The following TP53INP2 variants were observed in gnomAD, a reference collection of about 807,000 sequenced individuals.
The protein encoded by TP53INP2 is tumor protein p53 inducible nuclear protein 2, also known as tumor protein p53-inducible nuclear protein 2.
Under a neutral mutation model 17.1 loss-of-function variants are expected in TP53INP2, and 12 were observed. The observed-to-expected ratio is 0.70, with a 90% CI of 0.45 to 1.14. The LOEUF (loss-of-function observed/expected upper bound fraction) is 1.14. TP53INP2 is among the 50% of genes most tolerant of loss of function. The probability of loss-of-function intolerance (pLI) is 0.00; values close to 1 mark genes in which losing one functional copy is unlikely to be tolerated. For synonymous variants in TP53INP2, 145 were observed against 147.3 expected (o/e 0.98, Z 0.12); for missense variants, 342 against 330.9 (o/e 1.03, Z -0.26).
Position 34,710,288 on chromosome 20 carries a change from A to G in TP53INP2, c.644A>G (p.Gln215Arg), listed in dbSNP as rs747551918. The change falls in exon 5 of 5, where the codon CAG becomes CGG. Residue 215 changes from glutamine to arginine, a missense_variant. Transcript: ENST00000374810. The surrounding 1 kb of genome is among the most constrained non-coding windows in gnomAD (Gnocchi z 4.9). ...AGCAGCTTCATCTACCAGCCGTGCC[A>G]GCGCCAGTTCAACTACTGAGCGTCC... is the stretch of plus-strand genomic sequence containing the variant. ...NQSSFIYQPC[Q>R]RQFNY 2.1e-6 allele frequency: 3 copies of G among 1,412,712 alleles called. No homozygotes were observed. Among genetic ancestry groups the G allele is most frequent in the East Asian group, 2.7e-5 (1 of 36,668 alleles). 87.5% of individuals were successfully genotyped at this position (1,412,712 alleles called of 1,614,324 possible).
chr20:34,710,316 C>A lies in TP53INP2; in HGVS notation c.*9C>A, dbSNP rs771497872. 6.6e-6 allele frequency: 9 copies of A among 1,362,254 alleles called. No homozygotes were observed. The highest frequency in any genetic ancestry group is 8.6e-6 in the Non-Finnish European group (9 of 1,044,790). 84.4% of individuals were successfully genotyped at this position (1,362,254 alleles called of 1,614,324 possible). On this transcript the variant is annotated 3_prime_UTR_variant, in exon 5 of 5. Coordinates refer to ENST00000374810, the MANE Select transcript of TP53INP2 (RefSeq NM_021202.3). The surrounding 1 kb of genome is among the most constrained non-coding windows in gnomAD (Gnocchi z 4.9). ...GCCAGTTCAACTACTGAGCGTCCAC[C>A]GGCCGCGCCACGAACCCCTTGCCGA... is the stretch of plus-strand genomic sequence containing the variant.
At chr20:34,706,359 C>T (rs957070703) in intron 2 of TP53INP2, among the ~76,000 whole-genome samples, 1 of 152,140 alleles carries the variant, frequency 6.6e-6, no homozygotes, top group African/African-American at 2.4e-5. Context: ...TTAAAATGGG[C>T]TGGGTGAATA....
intron 2 of TP53INP2, among the ~76,000 whole-genome samples, chr20:34,706,609 C>T (rs921716208): frequency 3.3e-5 from 5 of 152,210 alleles, no homozygotes; most frequent in African/African-American, 9.7e-5. Flanking sequence ...CCCTGTAGAT[C>T]TCCCACCCCC....
rs1916581453 is a variant in TP53INP2 at position 34,712,476 on chromosome 20, TA to T, written c.*2170del. The T allele has an allele frequency of 6.6e-6, 1 of 152,632 alleles. No homozygotes were observed. The allele number at this position is 152,632 out of a possible 1,614,324, so 9.5% of individuals were successfully genotyped here. A position where few individuals can be genotyped will look rare whatever the true frequency, so the allele number is the denominator to read the frequency against. The stretch of plus-strand genomic sequence containing the variant: ...CTCACCTGCTTGGTTGCAAGGCTCA[TA>T]TTTTTTTGTACCTTTCCTATAGATT... On this transcript the variant is annotated 3_prime_UTR_variant, in exon 5 of 5. Coordinates refer to ENST00000374810, the MANE Select transcript of TP53INP2 (RefSeq NM_021202.3).
chr20:34,710,124 G>C lies in TP53INP2; in HGVS notation c.480G>C (p.Ala160=). ...ACGCCGCTCCTCTCCCAGCGCGGGC[G>C]GCGCTGCTGGAGAAGGCGGGCCAGG... ...ARHAAPLPAR[A]ALLEKAGQVR... is the part of the protein sequence containing the mutation. Residue 160 remains alanine, a synonymous_variant, in exon 5 of 5, where the codon GCG becomes GCC. Coordinates refer to ENST00000374810, the MANE Select transcript of TP53INP2 (RefSeq NM_021202.3). This position sits in a 1 kb window ranked among gnomAD's most constrained non-coding sequence, Gnocchi z 4.9. 7.9e-7 allele frequency: 1 copy of C among 1,263,800 alleles called. No homozygotes were observed. Among genetic ancestry groups the C allele is most frequent in the Non-Finnish European group, 9.9e-7 (1 of 1,008,592 alleles). The allele number at this position is 1,263,800 out of a possible 1,614,324, so 78.3% of individuals were successfully genotyped here.
At position 34,709,314 on chromosome 20, in the gene TP53INP2, A is replaced by T; in HGVS notation, c.203A>T (p.Asp68Val). The T allele has an allele frequency of 6.2e-7, 1 of 1,612,604 alleles. No homozygotes were observed. The highest frequency in any genetic ancestry group is 8.5e-7 in the Non-Finnish European group (1 of 1,179,518). The change falls in exon 4 of 5, where the codon GAC becomes GTC. Residue 68 changes from aspartate to valine, a missense_variant. By Grantham distance (152) the Asp-to-Val change is radical. Transcript: ENST00000374810. This position sits in a 1 kb window ranked among gnomAD's most constrained non-coding sequence, Gnocchi z 5.4. ...CCTCCGCCCGCGCCCTCCTTGATGGACGAGAGCTGGTTTGTTACCCCTCCC... is the reference window on the plus strand; with the variant it reads ...CCTCCGCCCGCGCCCTCCTTGATGGTCGAGAGCTGGTTTGTTACCCCTCCC... Reference protein sequence around the residue: ...GRPPPAPSLMDESWFVTPPAC... With the variant: ...GRPPPAPSLMVESWFVTPPAC...
At chr20:34,706,880 C>T (rs1208446075) in intron 2 of TP53INP2, among the ~76,000 whole-genome samples, 1 of 152,166 alleles carries the variant, frequency 6.6e-6, no homozygotes, top group Non-Finnish European at 1.5e-5. Context: ...AGTGTCTCAG[C>T]AGCAAAACCG....
intron 1 of TP53INP2, among the ~76,000 whole-genome samples, chr20:34,704,929 G>A (rs1008485819): frequency 2.0e-5 from 3 of 152,174 alleles, no homozygotes; most frequent in Non-Finnish European, 4.4e-5. Flanking sequence ...TGAGGGGGTC[G>A]TCAGGAGTTC....
rs1412618931 is a variant in TP53INP2 at position 34,710,843 on chromosome 20, T to C, written c.*536T>C. On this transcript the variant is annotated 3_prime_UTR_variant, in exon 5 of 5. Transcript: ENST00000374810. The surrounding 1 kb of genome is among the most constrained non-coding windows in gnomAD (Gnocchi z 4.9). ...GCCTGTGCAGCCTGGGCTGCTGTCA[T>C]TGCCCTCCAGTAAGGGCTCAGGGTT... The C allele has an allele frequency of 6.6e-6, 1 of 152,598 alleles. No homozygotes were observed. The highest frequency in any genetic ancestry group is 6.5e-5 in the Admixed American group (1 of 15,310). The allele number at this position is 152,598 out of a possible 1,614,324, so 9.5% of individuals were successfully genotyped here.
At position 34,710,609 on chromosome 20, in the gene TP53INP2, C is replaced by T. The variant is rs888842219; in HGVS notation, c.*302C>T. ...TCCCTGTCTCTCCCTTTCACCCTTG[C>T]CCTCCAGTCCTCTACCTCTGGCCTG... On this transcript the variant is annotated 3_prime_UTR_variant, in exon 5 of 5. Transcript: ENST00000374810. This position sits in a 1 kb window ranked among gnomAD's most constrained non-coding sequence, Gnocchi z 4.9. The T allele has an allele frequency of 5.2e-5, 15 of 289,062 alleles. No individual in the cohort carries two copies. The highest frequency in any genetic ancestry group is 2.6e-4 in the African/African-American group (12 of 45,740). The allele number at this position is 289,062 out of a possible 1,614,324, so 17.9% of individuals were successfully genotyped here.
chr20:34,710,497 C>T lies in TP53INP2; in HGVS notation c.*190C>T, dbSNP rs1337342489. Reference sequence around the variant, plus strand: ...TCTGCCTCTGAACCCATTCACCCTTCACCCTCACTCCTGGTCCCCATACCC... The same window carrying T: ...TCTGCCTCTGAACCCATTCACCCTTTACCCTCACTCCTGGTCCCCATACCC... On this transcript the variant is annotated 3_prime_UTR_variant, in exon 5 of 5. Transcript: ENST00000374810. The surrounding 1 kb of genome is among the most constrained non-coding windows in gnomAD (Gnocchi z 4.9). 2.0e-5 allele frequency: 11 copies of T among 548,392 alleles called. No homozygotes were observed. The highest frequency in any genetic ancestry group is 3.8e-4 in the Middle Eastern group (1 of 2,660). The allele number at this position is 548,392 out of a possible 1,614,324, so 34.0% of individuals were successfully genotyped here.
At chr20:34,706,921 G>A (rs1008020794) in intron 2 of TP53INP2, among the ~76,000 whole-genome samples, 3 of 152,174 alleles carry the variant, frequency 2.0e-5, no homozygotes, top group African/African-American at 7.2e-5. Context: ...GGTGTGGAGA[G>A]TCAGTCAGGC....
In TP53INP2 at chr20:34,713,056, T is replaced by C. The variant is rs1568688337; in HGVS notation, c.*2749T>C. The C allele has an allele frequency of 6.6e-6, 1 of 152,528 alleles. No homozygotes were observed. Among genetic ancestry groups the C allele is most frequent in the African/African-American group, 2.4e-5 (1 of 41,422 alleles). The allele number at this position is 152,528 out of a possible 1,614,324, so 9.4% of individuals were successfully genotyped here. ...CTGAGCAACTTGCTCTGACCTATAA[T>C]GTCTTAGGTGCAACACGGACCCCAC... On this transcript the variant is annotated 3_prime_UTR_variant, in exon 5 of 5. Coordinates refer to ENST00000374810, the MANE Select transcript of TP53INP2 (RefSeq NM_021202.3).
chr20:34,708,660 G>A (rs754701423), intron 2 of TP53INP2, 31 bp from the exon 3 acceptor site: 1 of 1,393,736 alleles, frequency 7.2e-7, no homozygotes, highest in African/African-American at 1.4e-5. Context: ...ACCTCAATCA[G>A]TGGTGGCTCT....
In TP53INP2 at chr20:34,710,268, C is replaced by T; in HGVS notation, c.624C>T (p.Ser208=). The T allele has an allele frequency of 6.9e-7, 1 of 1,446,752 alleles. No homozygotes were observed. The highest frequency in any genetic ancestry group is 9.2e-7 in the Non-Finnish European group (1 of 1,088,158). The allele number at this position is 1,446,752 out of a possible 1,614,324, so 89.6% of individuals were successfully genotyped here. A position where few individuals can be genotyped will look rare whatever the true frequency, so the allele number is the denominator to read the frequency against. ...SRPRRSKNQS[S]FIYQPCQRQF... ...CGCGCCGGTCCAAGAACCAGAGCAG[C>T]TTCATCTACCAGCCGTGCCAGCGCC... is the stretch of plus-strand genomic sequence containing the variant. The change falls in exon 5 of 5, where the codon AGC becomes AGT. Residue 208 remains serine (S), a synonymous_variant. Coordinates refer to ENST00000374810, the MANE Select transcript of TP53INP2 (RefSeq NM_021202.3). This position sits in a 1 kb window ranked among gnomAD's most constrained non-coding sequence, Gnocchi z 4.9.
At position 34,709,637 on chromosome 20, in the gene TP53INP2, G is replaced by A. The variant is rs1000653265; in HGVS notation, c.413+113G>A. ...CAGGAGCCCGCCCCGCGCTCGAGGG[G>A]GTAGCGGCCTTGGGAGGGTTGCCTT... On this transcript the variant is annotated intron_variant, in intron 4 of 4. Coordinates refer to ENST00000374810, the MANE Select transcript of TP53INP2 (RefSeq NM_021202.3). The surrounding 1 kb of genome is among the most constrained non-coding windows in gnomAD (Gnocchi z 5.4). The A allele has an allele frequency of 2.3e-5, 33 of 1,447,182 alleles. No homozygotes were observed. Among genetic ancestry groups the A allele is most frequent in the Admixed American group, 1.9e-4 (7 of 36,064 alleles). 89.6% of individuals were successfully genotyped at this position (1,447,182 alleles called of 1,614,324 possible).
chr20:34,710,104 G>C lies in TP53INP2; in HGVS notation c.460G>C (p.Ala154Pro). ...CGAGCCGCGGGCCGCGCGCCACGCC[G>C]CTCCTCTCCCAGCGCGGGCGGCGCT... is the stretch of plus-strand genomic sequence containing the variant. ...RREPRAARHA[A>P]PLPARAALLE... The change falls in exon 5 of 5, where the codon GCT becomes CCT. Residue 154 changes from alanine to proline, a missense_variant. By Grantham distance (27) the Ala-to-Pro change is conservative. Coordinates refer to ENST00000374810, the MANE Select transcript of TP53INP2 (RefSeq NM_021202.3). The surrounding 1 kb of genome is among the most constrained non-coding windows in gnomAD (Gnocchi z 4.9). 1.6e-6 allele frequency: 2 copies of C among 1,270,580 alleles called. No homozygotes were observed. The highest frequency in any genetic ancestry group is 2.0e-6 in the Non-Finnish European group (2 of 1,011,932). 78.7% of individuals were successfully genotyped at this position (1,270,580 alleles called of 1,614,324 possible).
intron 2 of TP53INP2, 64 bp from the exon 3 acceptor site, chr20:34,708,627 T>A: frequency 1.0e-6 from 1 of 984,112 alleles, no homozygotes. Context: ...TCTGGCCTCT[T>A]CCCCAGGCCA....
chr20:34,710,329 A>G lies in TP53INP2; in HGVS notation c.*22A>G, dbSNP rs776948100. 1.8e-5 allele frequency: 24 copies of G among 1,340,338 alleles called. No homozygotes were observed. Among genetic ancestry groups the G allele is most frequent in the Non-Finnish European group, 2.3e-5 (24 of 1,034,710 alleles). The allele number at this position is 1,340,338 out of a possible 1,614,324, so 83.0% of individuals were successfully genotyped here. On this transcript the variant is annotated 3_prime_UTR_variant, in exon 5 of 5. Transcript: ENST00000374810. The surrounding 1 kb of genome is among the most constrained non-coding windows in gnomAD (Gnocchi z 4.9). ...CTGAGCGTCCACCGGCCGCGCCACG[A>G]ACCCCTTGCCGATCCCGATCCCTGT...
Sources: allele counts gnomAD v4.1 joint callset (sites outside exome capture counted in the v4.1 genomes callset), GRCh38; gene constraint gnomAD v4.1.1; non-coding constraint Gnocchi (gnomAD v3.1); transcripts MANE v1.5; gene names NCBI Gene and HGNC (gene_info 2026-07-23, HGNC 2026-07-21).